The following EBF2 variants were observed in gnomAD, a reference collection of about 807,000 sequenced individuals.
EBF2 encodes the protein transcription factor COE2.
EBF2 carries 21 observed loss-of-function variants against 72.8 expected under a neutral mutation model. The ratio of observed to expected loss-of-function variants is 0.29; its 90% CI spans 0.20 to 0.42. EBF2 has a LOEUF of 0.42. Ranked by LOEUF, EBF2 falls within the 10% of genes least tolerant of loss-of-function variation. The pLI is 1.00. For missense variants in EBF2, 637 were observed against 731.2 expected, an observed-to-expected ratio of 0.87 and a Z score of 1.49; for synonymous variants, 299 against 274.2, an observed-to-expected ratio of 1.09 and a Z score of -0.89.
chr8:25,858,649 AGCTT>A, intron 13 of EBF2, 145 bp from the exon 14 acceptor site: 1 of 214,054 alleles, frequency 4.7e-6, no homozygotes, highest in Non-Finnish European at 8.3e-6. Context: ...GTCCATCTTT[AGCTT>A]TTTTTTTTTT....
At chr8:26,021,958 A>G (rs1322380525) in intron 6 of EBF2, among the ~76,000 whole-genome samples, 1 of 152,212 alleles carries the variant, frequency 6.6e-6, no homozygotes, top group African/African-American at 2.4e-5. Context: ...AAGTGAGAGA[A>G]TACTTTTTGC....
At chr8:25,881,339 C>T (rs1300949305) in intron 10 of EBF2, among the ~76,000 whole-genome samples, 1 of 152,190 alleles carries the variant, frequency 6.6e-6, no homozygotes, top group Non-Finnish European at 1.5e-5. Flanking sequence ...TAAAATATAT[C>T]CCATGTTCTT....
chr8:25,903,744 C>T (rs536118060), intron 7 of EBF2, among the ~76,000 whole-genome samples: 2 of 152,130 alleles, frequency 1.3e-5, no homozygotes, highest in East Asian at 3.9e-4. Context: ...AAGACAGGGG[C>T]TGTGGCAGCT....
chr8:26,038,059 A>T lies in EBF2; in HGVS notation c.482+1969T>A, dbSNP rs184858509. On this transcript the variant is annotated intron_variant, in intron 5 of 15. Transcript: ENST00000520164. ...TGCTACAACTGGCTCTTAAAATGTA[A>T]GAGAAGGAACTTTTCCCCCTTCCTG... is the stretch of plus-strand genomic sequence containing the variant. Among the ~76,000 whole-genome samples, 82 of 152,342 alleles carry T rather than the reference A, an allele frequency of 5.4e-4. 1 individual carries two copies. The East Asian group carries it at 0.013, about 24-fold the overall frequency.
chr8:25,943,328 A>AG (rs1361848533), intron 6 of EBF2, among the ~76,000 whole-genome samples: 386 of 151,006 alleles, frequency 2.6e-3, no homozygotes, highest in African/African-American at 8.9e-3. Context: ...AAAAAAAAAA[A>AG]AAAAAGAAAG....
intron 6 of EBF2, among the ~76,000 whole-genome samples, chr8:25,915,809 C>T (rs1320652514): frequency 6.6e-6 from 1 of 152,044 alleles, no homozygotes; most frequent in Non-Finnish European, 1.5e-5. Context: ...AGCAGGATCT[C>T]CATAATGGAG....
At position 25,985,528 on chromosome 8, in the gene EBF2, C is replaced by T. The variant is rs553925181; in HGVS notation, c.551+47557G>A. Reference sequence around the variant, plus strand: ...TGCCACTAAATGGCTGTGTGGCCTTCGGTAAGTCACTTAACCTCTCTGGGT... The same window carrying T: ...TGCCACTAAATGGCTGTGTGGCCTTTGGTAAGTCACTTAACCTCTCTGGGT... On this transcript the variant is annotated intron_variant, in intron 6 of 15. Transcript: ENST00000520164. 8.5e-5 allele frequency among the ~76,000 whole-genome samples: 13 copies of T among 152,306 alleles called. No individual in the cohort carries two copies. The South Asian group carries it at 2.5e-3, about 29-fold the overall frequency.
At chr8:26,005,561 T>TAG (rs1554481009) in intron 6 of EBF2, among the ~76,000 whole-genome samples, 18 of 63,890 alleles carry the variant, frequency 2.8e-4, no homozygotes, top group African/African-American at 1.2e-3. Context: ...TATATATATA[T>TAG]AGAGAGAGAG....
intron 6 of EBF2, among the ~76,000 whole-genome samples, chr8:25,985,627 T>C (rs1804437429): frequency 6.6e-6 from 1 of 152,128 alleles, no homozygotes; most frequent in African/African-American, 2.4e-5. Context: ...TCCCTGACAT[T>C]CACTGAAAGA....
At chr8:25,859,543 G>C (rs533413479) in intron 13 of EBF2, among the ~76,000 whole-genome samples, 1 of 152,244 alleles carries the variant, frequency 6.6e-6, no homozygotes, top group Admixed American at 6.5e-5. Context: ...GGGAAGGAGT[G>C]AGAAACCACA....
chr8:25,886,575 TA>T (rs3841181), intron 10 of EBF2, among the ~76,000 whole-genome samples, 179 bp downstream of exon 10: 9,005 of 152,244 alleles, frequency 0.059, 460 homozygotes, highest in Admixed American at 0.13. Context: ...GTTGCTTAAG[TA>T]AAACACTAAT....
intron 6 of EBF2, among the ~76,000 whole-genome samples, chr8:25,960,851 T>C (rs534797911): frequency 1.3e-5 from 2 of 152,366 alleles, no homozygotes; most frequent in East Asian, 3.9e-4. Flanking sequence ...CTTAAAGGTA[T>C]CTTCCTTATC....
intron 6 of EBF2, among the ~76,000 whole-genome samples, chr8:25,916,312 CA>C (rs1353526985): frequency 3.3e-5 from 5 of 149,310 alleles, no homozygotes; most frequent in East Asian, 2.0e-4. Flanking sequence ...GCAAAAAACC[CA>C]AAAAAAACAA....
At chr8:26,016,003 C>T (rs1805105752) in intron 6 of EBF2, among the ~76,000 whole-genome samples, 1 of 152,202 alleles carries the variant, frequency 6.6e-6, no homozygotes, top group South Asian at 2.1e-4. Flanking sequence ...AACACATCAC[C>T]TCAAATAACC....
At chr8:25,927,543 A>G (rs766148251) in intron 6 of EBF2, among the ~76,000 whole-genome samples, 7 of 152,068 alleles carry the variant, frequency 4.6e-5, no homozygotes, top group Non-Finnish European at 1.0e-4. Flanking sequence ...TTGAAAACAC[A>G]AAAGAACGTA....
chr8:25,943,192 C>T (rs528726947), intron 6 of EBF2, among the ~76,000 whole-genome samples: 3 of 151,224 alleles, frequency 2.0e-5, no homozygotes, highest in South Asian at 2.1e-4. Flanking sequence ...CAAGGCCAGG[C>T]GGGATGGCTC....
At chr8:26,019,461 G>A (rs1022029616) in intron 6 of EBF2, among the ~76,000 whole-genome samples, 1 of 152,146 alleles carries the variant, frequency 6.6e-6, no homozygotes, top group Non-Finnish European at 1.5e-5. Flanking sequence ...CCTTGTCCTT[G>A]GAATTACATA....
intron 6 of EBF2, among the ~76,000 whole-genome samples, chr8:25,986,025 A>AAAAAAAAAAAAAAAAT (rs1804448971): frequency 6.9e-6 from 1 of 145,670 alleles, no homozygotes; most frequent in South Asian, 2.2e-4. Flanking sequence ...AAAAAAAAAA[A>AAAAAAAAAAAAAAAAT]GTACATGAGG....
At chr8:25,931,353 G>C (rs917253917) in intron 6 of EBF2, among the ~76,000 whole-genome samples, 1 of 152,106 alleles carries the variant, frequency 6.6e-6, no homozygotes, top group Non-Finnish European at 1.5e-5. Context: ...GCATGGCCTG[G>C]TCTAAAGCAA....
Sources: gnomAD v4.1 joint callset for allele counts (sites outside exome capture counted in the v4.1 genomes callset) on GRCh38, gnomAD v4.1.1 for gene constraint, MANE v1.5 for transcripts, NCBI Gene and HGNC (gene_info 2026-07-23, HGNC 2026-07-21) for gene names.